Variants in ARMC9 observed in about 807,000 individuals in gnomAD.
The protein encoded by ARMC9 is lisH domain-containing protein ARMC9.
Under a neutral mutation model 107.0 loss-of-function variants are expected in ARMC9, and 94 were observed. That is an observed-to-expected ratio of 0.88 (90% CI 0.74 to 1.04). The LOEUF is 1.04. Ranked by LOEUF, ARMC9 falls within the 50% of genes least tolerant of loss-of-function variation. The probability of loss-of-function intolerance (pLI) is 0.00; values close to 1 mark genes in which losing one functional copy is unlikely to be tolerated. For synonymous variants in ARMC9, 380 were observed against 396.9 expected (o/e 0.96, Z 0.51); for missense variants, 942 against 1,030.1 (o/e 0.91, Z 1.17).
chr2:231,354,910 C>G (rs2045274453), intron 21 of ARMC9, among the ~76,000 whole-genome samples: 2 of 152,236 alleles, frequency 1.3e-5, no homozygotes, highest in African/African-American at 2.4e-5. Flanking sequence ...CTGGCCCTTG[C>G]AACTGGCTGG....
intron 21 of ARMC9, among the ~76,000 whole-genome samples, chr2:231,346,470 G>A (rs961611067): frequency 2.0e-5 from 3 of 152,150 alleles, no homozygotes; most frequent in African/African-American, 7.2e-5. Flanking sequence ...GCAGTGAGCT[G>A]AGATCTCGCC....
At position 231,358,435 on chromosome 2, in the gene ARMC9, CA is replaced by C. The variant is rs1228006298; in HGVS notation, c.2132-2317del. On this transcript the variant is annotated intron_variant, in intron 22 of 24. Transcript: ENST00000611582. The surrounding 1 kb of genome is among the most constrained non-coding windows in gnomAD (Gnocchi z 4.5). ...CAGGCTGGTCTTGAACCCTTGGGCT[CA>C]AGCGATCCTCCCGCCTCGGCCTCCC... Among the ~76,000 whole-genome samples, 1 of 152,090 alleles carries C rather than the reference CA, an allele frequency of 6.6e-6. No individual in the cohort carries two copies. Among genetic ancestry groups the C allele is most frequent in the Non-Finnish European group, 1.5e-5 (1 of 68,008 alleles).
intron 19 of ARMC9, among the ~76,000 whole-genome samples, chr2:231,321,231 G>C (rs951933655): frequency 4.6e-5 from 7 of 152,256 alleles, no homozygotes; most frequent in African/African-American, 1.4e-4. Context: ...GACTGGTCTA[G>C]AGGCAAGCCG....
chr2:231,313,819 A>G (rs11904019), intron 19 of ARMC9, among the ~76,000 whole-genome samples: 20,287 of 151,694 alleles, frequency 0.13, 3,001 homozygotes, highest in African/African-American at 0.36. Context: ...CAGGGGTGCA[A>G]TCACGGCTCA....
chr2:231,321,785 C>T (rs994092241), intron 19 of ARMC9, among the ~76,000 whole-genome samples: 3 of 152,144 alleles, frequency 2.0e-5, no homozygotes, highest in African/African-American at 4.8e-5. Flanking sequence ...GTCTGTGGTA[C>T]TGCTGGGGCA....
intron 8 of ARMC9, among the ~76,000 whole-genome samples, chr2:231,236,491 A>G (rs1232376406): frequency 6.6e-6 from 1 of 152,196 alleles, no homozygotes; most frequent in Admixed American, 6.5e-5. Flanking sequence ...GTAGATTCAC[A>G]CTGCAGTTAT....
At chr2:231,240,712 A>G (rs1180769293) in intron 9 of ARMC9, among the ~76,000 whole-genome samples, 1 of 152,062 alleles carries the variant, frequency 6.6e-6, no homozygotes, top group East Asian at 1.9e-4. Flanking sequence ...TCTACCGTCC[A>G]TTTTCCAATT....
chr2:231,266,384 T>A (rs1334132418), intron 12 of ARMC9, among the ~76,000 whole-genome samples: 4 of 152,220 alleles, frequency 2.6e-5, no homozygotes, highest in Non-Finnish European at 5.9e-5. Context: ...TTTAATGAAA[T>A]TGTAGAGAAC....
chr2:231,202,423 A>G (rs1304131518), intron 1 of ARMC9, among the ~76,000 whole-genome samples: 1 of 150,934 alleles, frequency 6.6e-6, no homozygotes, highest in Non-Finnish European at 1.5e-5. Flanking sequence ...TCCTGGTTCA[A>G]GTGATCCTCC....
rs143871759 is a variant in ARMC9, at chr2:231,328,027, G to A, written c.1774-3766G>A. ...CTCAAACTCCTGATTCAAGTGATTC[G>A]CTCGCCTCGGCTTTCCAAAGTGCTG... is the stretch of plus-strand genomic sequence containing the variant. On this transcript the variant is annotated intron_variant, in intron 19 of 24. Transcript: ENST00000611582. 4.4e-3 allele frequency among the ~76,000 whole-genome samples: 665 copies of A among 152,080 alleles called. 6 individuals are homozygous for A. Among genetic ancestry groups the A allele is most frequent in the Middle Eastern group, 0.027 (8 of 294 alleles).
intron 24 of ARMC9, chr2:231,371,196 C>T (rs963053404): frequency 3.4e-5 from 20 of 586,376 alleles, no homozygotes; most frequent in Non-Finnish European, 6.1e-5. Flanking sequence ...TGGTGGCTGG[C>T]CTGGCCCCAC....
At chr2:231,355,770 C>T (rs1489183937) in intron 21 of ARMC9, 28 bp from the exon 22 acceptor site, 1 of 1,520,342 alleles carries the variant, frequency 6.6e-7, no homozygotes, top group Non-Finnish European at 8.8e-7. Context: ...TGGCTGTACT[C>T]ACTGCCGTTT....
chr2:231,221,497 C>T (rs1167339452), intron 5 of ARMC9, among the ~76,000 whole-genome samples: 1 of 152,028 alleles, frequency 6.6e-6, no homozygotes, highest in Non-Finnish European at 1.5e-5. Context: ...ACAAAGTTAT[C>T]ATGCAGTATC....
intron 24 of ARMC9, chr2:231,371,004 T>G: frequency 2.2e-6 from 1 of 452,638 alleles, no homozygotes; most frequent in South Asian, 1.6e-5. Flanking sequence ...TGGCCATGGC[T>G]GGGGAGCCAG....
chr2:231,302,141 G>C (rs548749511), intron 19 of ARMC9, among the ~76,000 whole-genome samples: 2 of 151,906 alleles, frequency 1.3e-5, no homozygotes, highest in African/African-American at 4.8e-5. Flanking sequence ...TTATGCATAG[G>C]AAAGAAAAAC....
rs571179581 is a variant in ARMC9, at chr2:231,374,644, T to C, written c.*3109T>C. The C allele has an allele frequency of 6.6e-6, 1 of 152,180 alleles. No homozygotes were observed. Among genetic ancestry groups the C allele is most frequent in the South Asian group, 2.1e-4 (1 of 4,820 alleles). The allele number at this position is 152,180 out of a possible 1,614,324, so 9.4% of individuals were successfully genotyped here. Reference sequence around the variant, plus strand: ...AAAGGTAAAGAAAAGAAATCCATGATAAAATATCAAACTTTTTAATAAAAA... The same window carrying C: ...AAAGGTAAAGAAAAGAAATCCATGACAAAATATCAAACTTTTTAATAAAAA... On this transcript the variant is annotated 3_prime_UTR_variant, in exon 25 of 25. Coordinates refer to ENST00000611582, the MANE Select transcript of ARMC9 (RefSeq NM_001352754.2).
chr2:231,323,169 A>T (rs1335554201), intron 19 of ARMC9, among the ~76,000 whole-genome samples: 2 of 152,104 alleles, frequency 1.3e-5, no homozygotes, highest in Non-Finnish European at 2.9e-5. Context: ...AACGTGAGCT[A>T]CAGAGCAAAA....
intron 3 of ARMC9, among the ~76,000 whole-genome samples, chr2:231,214,592 AC>A (rs1164432464): frequency 6.6e-6 from 1 of 152,040 alleles, no homozygotes; most frequent in Non-Finnish European, 1.5e-5. Flanking sequence ...CATTTCAAAG[AC>A]CTTAAATGTT....
chr2:231,296,894 C>T (rs1029426680), intron 19 of ARMC9, among the ~76,000 whole-genome samples: 13 of 152,266 alleles, frequency 8.5e-5, no homozygotes, highest in African/African-American at 2.6e-4. Flanking sequence ...AAGAAAAGAC[C>T]TGTTGTCCCC....
Sources: gnomAD v4.1 joint callset for allele counts (sites outside exome capture counted in the v4.1 genomes callset) on GRCh38, gnomAD v4.1.1 for gene constraint, Gnocchi (gnomAD v3.1) non-coding constraint, MANE v1.5 for transcripts, NCBI Gene and HGNC (gene_info 2026-07-23, HGNC 2026-07-21) for gene names.